CCDC34: variants seen among roughly 807,000 people sequenced by gnomAD.
CCDC34 encodes coiled-coil domain containing 34.
In CCDC34, 40 loss-of-function variants were observed where a neutral mutation model predicts 44.1. The ratio of observed to expected loss-of-function variants is 0.91; its 90% CI spans 0.70 to 1.18. CCDC34 has a LOEUF of 1.18. Ranked by LOEUF, CCDC34 falls within the 50% of genes most tolerant of loss-of-function variation. The probability of loss-of-function intolerance (pLI) is 0.00; values close to 1 mark genes in which losing one functional copy is unlikely to be tolerated. For missense variants in CCDC34, 466 were observed against 452.3 expected (o/e 1.03, Z -0.28); for synonymous variants, 159 against 158.2 (o/e 1.01, Z -0.04).
rs1031804055 is a variant in CCDC34 at position 27,362,868 on chromosome 11, G to A, written c.327C>T (p.Ser109=). 3.1e-6 allele frequency: 5 copies of A among 1,613,988 alleles called. No homozygotes were observed. The highest frequency in any genetic ancestry group is 1.3e-5 in the African/African-American group (1 of 74,906). The change falls in exon 1 of 6, where the codon AGC becomes AGT. Residue 109 remains serine (S), a synonymous_variant. Transcript: ENST00000328697. The part of the protein sequence containing the change: ...DAHDSEAKVA[S]LRGMELQGCA... Reference sequence around the variant, plus strand: ...ACCCCTGTAACTCCATTCCTCTCAGGCTCGCCACTTTGGCCTCTGAATCAT... The same window carrying A: ...ACCCCTGTAACTCCATTCCTCTCAGACTCGCCACTTTGGCCTCTGAATCAT...
intron 2 of CCDC34, among the ~76,000 whole-genome samples, chr11:27,356,658 T>C (rs1040137421): frequency 2.0e-5 from 3 of 151,646 alleles, no homozygotes; most frequent in African/African-American, 7.3e-5. Flanking sequence ...TCAAAAAATA[T>C]GTGAATATTC....
chr11:27,350,592 C>T, intron 2 of CCDC34, among the ~76,000 whole-genome samples, 153 bp from the exon 3 acceptor site: 1 of 152,182 alleles, frequency 6.6e-6, no homozygotes, highest in East Asian at 1.9e-4. Flanking sequence ...CTTAAGTAAC[C>T]AGTCTATGAT....
chr11:27,349,348 G>A, intron 3 of CCDC34: 1 of 894,246 alleles, frequency 1.1e-6, no homozygotes, highest in South Asian at 5.2e-5. Context: ...AAACAAATAT[G>A]GTTATAACAC....
chr11:27,353,977 T>C (rs959100493), intron 2 of CCDC34, among the ~76,000 whole-genome samples: 5 of 152,174 alleles, frequency 3.3e-5, no homozygotes, highest in African/African-American at 9.6e-5. Context: ...CTATTCTTTA[T>C]GGTTAAAAAT....
At chr11:27,352,051 G>C (rs1178806220) in intron 2 of CCDC34, among the ~76,000 whole-genome samples, 2 of 152,192 alleles carry the variant, frequency 1.3e-5, no homozygotes, top group African/African-American at 4.8e-5. Flanking sequence ...GACTGACGAA[G>C]AGTGTGCCAT....
chr11:27,339,081 G>T, intron 5 of CCDC34, 46 bp from the exon 6 acceptor site: 3 of 1,406,482 alleles, frequency 2.1e-6, no homozygotes, highest in Non-Finnish European at 2.9e-6. Flanking sequence ...AAACTTTCTT[G>T]ACATCAAAGA....
In CCDC34 at chr11:27,341,496, T is replaced by C. The variant is rs1862358178; in HGVS notation, c.661A>G (p.Lys221Glu). 2 of 1,419,544 alleles carry C rather than the reference T, an allele frequency of 1.4e-6. No individual in the cohort carries two copies. Among genetic ancestry groups the C allele is most frequent in the South Asian group, 2.8e-5 (2 of 70,508 alleles). The allele number at this position is 1,419,544 out of a possible 1,614,324, so 87.9% of individuals were successfully genotyped here. A position where few individuals can be genotyped will look rare whatever the true frequency, so the allele number is the denominator to read the frequency against. The change falls in exon 4 of 6, where the codon AAG (lysine) becomes GAG (glutamate). Residue 221 changes from lysine (K) to glutamate (E), a missense_variant. Lys to Glu is a moderately conservative substitution (Grantham distance 56, BLOSUM62 1). Transcript: ENST00000328697. ...TGCAAGTATTCTTTCTCCAGTTCCT[T>C]TGCTGCTTTTTCCTCCATTTCTTTA... ...INKEMEEKAAKELEKEYLQEK... is the reference protein window; with the variant it reads ...INKEMEEKAAEELEKEYLQEK...
chr11:27,341,018 G>A (rs1862350335), intron 4 of CCDC34, among the ~76,000 whole-genome samples, 181 bp from the exon 5 acceptor site: 1 of 151,912 alleles, frequency 6.6e-6, no homozygotes, highest in Non-Finnish European at 1.5e-5. Context: ...ATACATTAAG[G>A]TGTCTGGCTC....
At chr11:27,340,907 A>AT (rs555057167) in intron 4 of CCDC34, 70 bp from the exon 5 acceptor site, 1,632 of 1,468,316 alleles carry the variant, frequency 1.1e-3, no homozygotes, top group Non-Finnish European at 1.2e-3. Flanking sequence ...AATTCTACTG[A>AT]TTTTTTTTTC....
At chr11:27,356,906 T>TTGGGGGTGGTGGGGGGGGGTGGGGG (rs1862584434) in intron 2 of CCDC34, among the ~76,000 whole-genome samples, 1 of 5,076 alleles carries the variant, frequency 2.0e-4, no homozygotes, top group East Asian at 8.8e-3. Context: ...TGGGGTGGGG[T>TTGGGGGTGGTGGGGGGGGGTGGGGG]TGGGGGTGGT....
chr11:27,344,438 CAT>C (rs759105252), intron 3 of CCDC34, among the ~76,000 whole-genome samples: 6 of 151,990 alleles, frequency 3.9e-5, no homozygotes, highest in Non-Finnish European at 8.8e-5. Context: ...ATGTGTGTTA[CAT>C]ATATGCTATA....
chr11:27,359,063 A>C (rs1862621375), intron 1 of CCDC34, among the ~76,000 whole-genome samples: 1 of 150,244 alleles, frequency 6.7e-6, no homozygotes, highest in Non-Finnish European at 1.5e-5. Context: ...CCAACCTTAC[A>C]ACCACCATCT....
chr11:27,358,520 T>G (rs1862611318), intron 1 of CCDC34, among the ~76,000 whole-genome samples: 1 of 152,230 alleles, frequency 6.6e-6, no homozygotes, highest in African/African-American at 2.4e-5. Context: ...TTACTCATTA[T>G]TTTCTGCTAC....
At chr11:27,349,962 A>G (rs1862481460) in intron 3 of CCDC34, 1 of 1,103,174 alleles carries the variant, frequency 9.1e-7, no homozygotes, top group South Asian at 4.2e-5. Flanking sequence ...CCGAGAAGAC[A>G]GCTGAATGAA....
chr11:27,339,125 G>T, intron 5 of CCDC34, 90 bp from the exon 6 acceptor site: 3 of 893,600 alleles, frequency 3.4e-6, no homozygotes, highest in Non-Finnish European at 5.2e-6. Context: ...ATGTTAAAAT[G>T]TCAAATGGAC....
intron 2 of CCDC34, among the ~76,000 whole-genome samples, chr11:27,352,470 CATACAA>C (rs1162546445): frequency 4.8e-4 from 73 of 151,588 alleles, no homozygotes; most frequent in Non-Finnish European, 1.2e-4. Context: ...TACATGTACA[CATACAA>C]ATACATGTGT....
rs1407954681 is a variant in CCDC34 at position 27,360,724 on chromosome 11, T to G, written c.359+2112A>C. Among the ~76,000 whole-genome samples the G allele has an allele frequency of 2.0e-5, 3 of 152,250 alleles. No homozygotes were observed. The East Asian group carries it at 5.8e-4, about 29-fold the overall frequency. Reference sequence around the variant, plus strand: ...ACCTGAACACCAGAACGTGGTTTACTGCACCTTAGTAGTACCTGTGGTTGG... The same window carrying G: ...ACCTGAACACCAGAACGTGGTTTACGGCACCTTAGTAGTACCTGTGGTTGG... On this transcript the variant is annotated intron_variant, in intron 1 of 5. Coordinates refer to ENST00000328697, the MANE Select transcript of CCDC34 (RefSeq NM_030771.2).
At chr11:27,348,985 T>G in intron 3 of CCDC34, 1 of 985,028 alleles carries the variant, frequency 1.0e-6, no homozygotes, top group Non-Finnish European at 1.2e-6. Flanking sequence ...AATAATTTTT[T>G]TTTTCTTCAA....
chr11:27,348,158 A>G (rs1015062375), intron 3 of CCDC34, among the ~76,000 whole-genome samples: 2 of 152,172 alleles, frequency 1.3e-5, no homozygotes, highest in Non-Finnish European at 2.9e-5. Flanking sequence ...GGAAACTAAC[A>G]TAACAATTGG....
Sources: allele counts gnomAD v4.1 joint callset (sites outside exome capture counted in the v4.1 genomes callset), GRCh38; gene constraint gnomAD v4.1.1; transcripts MANE v1.5; gene names NCBI Gene and HGNC (gene_info 2026-07-23, HGNC 2026-07-21).